The following DMD variants were observed in gnomAD, a reference collection of about 807,000 sequenced individuals.
DMD encodes mutant dystrophin.
A neutral mutation model predicts 330.1 loss-of-function variants in DMD; 63 were observed. That is an observed-to-expected ratio of 0.19 (90% CI 0.16 to 0.24). The LOEUF is 0.24. Ranked by LOEUF, DMD falls within the 10% of genes least tolerant of loss-of-function variation. The probability of loss-of-function intolerance (pLI) is 1.00; values close to 1 mark genes in which losing one functional copy is unlikely to be tolerated. For synonymous variants in DMD, 1,223 were observed against 959.8 expected (o/e 1.27, Z -5.07); for missense variants, 3,344 against 2,684.1 (o/e 1.25, Z -5.43).
chrX:31,856,055 CTCTACTAGAA>C (rs1287818635), intron 48 of DMD, among the ~76,000 whole-genome samples: 1 of 111,705 alleles, frequency 9.0e-6, no homozygotes, highest in East Asian at 2.8e-4. Context: ...TAATCCAGAA[CTCTACTAGAA>C]TCTAGAATAT....
chrX:32,392,138 G>C (rs1272526704), intron 30 of DMD, among the ~76,000 whole-genome samples: 1 of 112,155 alleles, frequency 8.9e-6, no homozygotes, highest in Non-Finnish European at 1.9e-5. Context: ...TTGCAGAGTG[G>C]ATTGAGGAAG....
intron 7 of DMD, among the ~76,000 whole-genome samples, chrX:32,713,319 T>G (rs2065366026): frequency 8.9e-6 from 1 of 111,833 alleles, no homozygotes; most frequent in Admixed American, 9.6e-5. Context: ...CCTTTCACAC[T>G]GTATCTCCTG....
At chrX:32,953,845 T>C (rs2091408705) in intron 2 of DMD, among the ~76,000 whole-genome samples, 2 of 112,043 alleles carry the variant, frequency 1.8e-5, no homozygotes, top group South Asian at 7.4e-4. Flanking sequence ...ATAAAACATC[T>C]TTTTGTGGTA....
chrX:33,194,775 G>C (rs2050834918), intron 1 of DMD, among the ~76,000 whole-genome samples: 1 of 111,257 alleles, frequency 9.0e-6, no homozygotes, highest in South Asian at 3.7e-4. Flanking sequence ...TACCAGATCT[G>C]TGGATTTCTG....
In DMD at chrX:32,793,261, A is replaced by G. The variant is rs1481158221; in HGVS notation, c.649+16232T>C. On this transcript the variant is annotated intron_variant, in intron 7 of 78. Coordinates refer to ENST00000357033, the MANE Select transcript of DMD (RefSeq NM_004006.3). ...TTGAAACAAATGAATATCAAAATAT[A>G]ATAACACCTACGGGATATGGCAAAA... Among the ~76,000 whole-genome samples the G allele has an allele frequency of 2.7e-5, 3 of 111,656 alleles. No homozygotes were observed. The Admixed American group carries it at 2.9e-4, about 11-fold the overall frequency.
At position 32,782,893 on chromosome X, in the gene DMD, A is replaced by G. The variant is rs552366293; in HGVS notation, c.649+26600T>C. On this transcript the variant is annotated intron_variant, in intron 7 of 78. Transcript: ENST00000357033. ...TACACACACACGTATATATATACATATACACATATATATCATATATACACA... is the reference window on the plus strand; with the variant it reads ...TACACACACACGTATATATATACATGTACACATATATATCATATATACACA... 2.0e-3 allele frequency among the ~76,000 whole-genome samples: 216 copies of G among 106,114 alleles called. 1 individual carries two copies. Among genetic ancestry groups the G allele is most frequent in the African/African-American group, 6.9e-3 (201 of 29,251 alleles). 92.1% of individuals were successfully genotyped at this position (106,114 alleles called of 115,157 possible).
At chrX:32,485,401 A>C (rs1387049651) in intron 20 of DMD, among the ~76,000 whole-genome samples, 1 of 110,795 alleles carries the variant, frequency 9.0e-6, no homozygotes, top group Non-Finnish European at 1.9e-5. Flanking sequence ...ATGACCTTAA[A>C]TCCTTTCCAT....
Position 32,360,330 on chromosome X carries a change from T to C in DMD, c.5325+2458A>G, listed in dbSNP as rs1304038711. On this transcript the variant is annotated intron_variant, in intron 37 of 78. Transcript: ENST00000357033. Reference sequence around the variant, plus strand: ...GAATATATAAGCAAAGTGTCAGATATGCTTTATTTCTGTGTTTTTCATTTC... The same window carrying C: ...GAATATATAAGCAAAGTGTCAGATACGCTTTATTTCTGTGTTTTTCATTTC... 2.7e-5 allele frequency among the ~76,000 whole-genome samples: 3 copies of C among 112,247 alleles called. No homozygotes were observed. The South Asian group carries it at 1.1e-3, about 41-fold the overall frequency.
At chrX:32,918,343 G>A (rs1368665096) in intron 2 of DMD, among the ~76,000 whole-genome samples, 1 of 111,547 alleles carries the variant, frequency 9.0e-6, no homozygotes, top group Non-Finnish European at 1.9e-5. Flanking sequence ...CCTTCCCAAA[G>A]TTTCAACATG....
At chrX:31,173,649 T>C (rs1465193529) in intron 71 of DMD, 45 bp from the exon 72 acceptor site, 2 of 1,150,429 alleles carry the variant, frequency 1.7e-6, no homozygotes, top group Non-Finnish European at 2.4e-6. Flanking sequence ...CATCCATTAA[T>C]GGAGAAAAAA....
At chrX:31,188,519 C>T (rs1027446092) in intron 67 of DMD, among the ~76,000 whole-genome samples, 4 of 111,928 alleles carry the variant, frequency 3.6e-5, no homozygotes, top group Non-Finnish European at 7.5e-5. Context: ...GTGACCTTGT[C>T]CTCATCTCTA....
intron 18 of DMD, among the ~76,000 whole-genome samples, chrX:32,503,692 ATT>A (rs766577130): frequency 9.1e-6 from 1 of 110,118 alleles, no homozygotes; most frequent in East Asian, 2.9e-4. Flanking sequence ...AGTAGCCGGG[ATT>A]ACAGGCGTGC....
chrX:32,663,334 T>C (rs1187281449), intron 9 of DMD, among the ~76,000 whole-genome samples: 1 of 111,919 alleles, frequency 8.9e-6, no homozygotes, highest in Non-Finnish European at 1.9e-5. Context: ...AATAAGAATG[T>C]AAGATATCCA....
chrX:32,685,318 G>A (rs2062775009), intron 9 of DMD, among the ~76,000 whole-genome samples: 1 of 111,312 alleles, frequency 9.0e-6, no homozygotes, highest in African/African-American at 3.3e-5. Context: ...ACTTTTTCAG[G>A]TATTATAAAG....
rs1384590840 is a variant in DMD, at chrX:32,252,833, AAT to A, written c.6290+34694_6290+34695del. On this transcript the variant is annotated intron_variant, in intron 43 of 78. Coordinates refer to ENST00000357033, the MANE Select transcript of DMD (RefSeq NM_004006.3). Reference sequence around the variant, plus strand: ...ATATATAAGTATATAAATATATATAAATATATATAAATATATAAATATATATA... The same window carrying A: ...ATATATAAGTATATAAATATATATAAATATATAAATATATAAATATATATA... Among the ~76,000 whole-genome samples the A allele has an allele frequency of 3.4e-3, 193 of 57,609 alleles. 15 individuals carry two copies. The highest frequency in any genetic ancestry group is 0.015 in the African/African-American group (187 of 12,771). The allele number at this position is 57,609 out of a possible 115,157, so 50.0% of individuals were successfully genotyped here.
intron 62 of DMD, chrX:31,266,766 C>T (rs755333651): frequency 2.6e-6 from 3 of 1,142,400 alleles, no homozygotes; most frequent in Admixed American, 2.2e-5. Context: ...CACAAGTGCA[C>T]GGATTGCGGC....
chrX:32,859,947 T>C (rs12396990), intron 2 of DMD, among the ~76,000 whole-genome samples: 8,949 of 111,572 alleles, frequency 0.08, 865 homozygotes, highest in African/African-American at 0.27. Context: ...GTTCATTTTA[T>C]GACTAAGATT....
chrX:33,180,249 C>T (rs1012271361), intron 1 of DMD, among the ~76,000 whole-genome samples: 1 of 112,083 alleles, frequency 8.9e-6, no homozygotes, highest in African/African-American at 3.2e-5. Context: ...TTATCACGCA[C>T]TTTTTAAAGA....
At chrX:32,782,234 G>T (rs752194333) in intron 7 of DMD, among the ~76,000 whole-genome samples, 1 of 111,101 alleles carries the variant, frequency 9.0e-6, no homozygotes, top group Non-Finnish European at 1.9e-5. Context: ...AAAATCACTA[G>T]AATATCAAAA....
Sources: gnomAD v4.1 joint callset for allele counts (sites outside exome capture counted in the v4.1 genomes callset) on GRCh38, gnomAD v4.1.1 for gene constraint, MANE v1.5 for transcripts, NCBI Gene and HGNC (gene_info 2026-07-23, HGNC 2026-07-21) for gene names.